The following FBXO15 variants were observed in gnomAD, a reference collection of about 807,000 sequenced individuals.
FBXO15 encodes the protein F-box only protein 15.
A neutral mutation model predicts 49.5 loss-of-function variants in FBXO15; 30 were observed. That is an observed-to-expected ratio of 0.61 (90% CI 0.45 to 0.82). The LOEUF is 0.82. Ranked by LOEUF, FBXO15 falls within the 40% of genes least tolerant of loss-of-function variation. The pLI is 0.00. For missense variants in FBXO15, 591 were observed against 631.5 expected (o/e 0.94, Z 0.69); for synonymous variants, 250 against 232.7 (o/e 1.07, Z -0.68).
chr18:74,079,234 G>A (rs1408926100), intron 9 of FBXO15, among the ~76,000 whole-genome samples: 5 of 152,182 alleles, frequency 3.3e-5, no homozygotes, highest in South Asian at 2.1e-4. Context: ...TCTGATAGGC[G>A]CTGGGAGGAG....
intron 8 of FBXO15, among the ~76,000 whole-genome samples, chr18:74,082,911 AG>A (rs1251505961): frequency 6.6e-6 from 1 of 152,270 alleles, no homozygotes; most frequent in Admixed American, 6.5e-5. Flanking sequence ...AATGTTCTCC[AG>A]CCCTGGCCTG....
At chr18:74,117,670 G>C (rs76885190) in intron 8 of FBXO15, among the ~76,000 whole-genome samples, 1 of 152,100 alleles carries the variant, frequency 6.6e-6, no homozygotes, top group African/African-American at 2.4e-5. Context: ...ATGGGGAGGT[G>C]AAAGTACCCA....
intron 1 of FBXO15, among the ~76,000 whole-genome samples, chr18:74,144,201 A>G (rs548435376): frequency 2.0e-5 from 3 of 152,280 alleles, no homozygotes; most frequent in South Asian, 4.1e-4. Context: ...TTATTTTTCT[A>G]TTTCTCTAAG....
chr18:74,084,576 T>C (rs779272171), intron 8 of FBXO15, among the ~76,000 whole-genome samples: 8 of 152,230 alleles, frequency 5.3e-5, no homozygotes, highest in Admixed American at 2.6e-4. Context: ...TGAGCAAGTA[T>C]AGCCTTCATT....
chr18:74,147,457 C>G (rs969431156), intron 1 of FBXO15: 3 of 1,197,408 alleles, frequency 2.5e-6, no homozygotes, highest in African/African-American at 1.6e-5. Context: ...AATATTTCCC[C>G]GAGAGGCTAC....
intron 8 of FBXO15, among the ~76,000 whole-genome samples, chr18:74,087,727 C>T (rs1254445068): frequency 6.6e-6 from 1 of 152,158 alleles, no homozygotes; most frequent in African/African-American, 2.4e-5. Context: ...TGGGAACATA[C>T]CCAATAATGG....
At chr18:74,090,813 T>C (rs1912991704) in intron 8 of FBXO15, among the ~76,000 whole-genome samples, 1 of 152,184 alleles carries the variant, frequency 6.6e-6, no homozygotes, top group South Asian at 2.1e-4. Context: ...TGATGATTGT[T>C]TTATGTCTGG....
chr18:74,115,711 T>C (rs1914202586), intron 8 of FBXO15, among the ~76,000 whole-genome samples: 1 of 152,240 alleles, frequency 6.6e-6, no homozygotes, highest in Non-Finnish European at 1.5e-5. Context: ...GATGAAGATA[T>C]ACACTGATAT....
intron 1 of FBXO15, among the ~76,000 whole-genome samples, chr18:74,145,459 T>C (rs1009176239): frequency 6.6e-6 from 1 of 152,208 alleles, no homozygotes; most frequent in East Asian, 1.9e-4. Context: ...AGACAGTCTC[T>C]GAGACGCCCA....
intron 5 of FBXO15, among the ~76,000 whole-genome samples, chr18:74,128,608 A>G (rs1261920092): frequency 6.6e-6 from 1 of 152,246 alleles, no homozygotes; most frequent in East Asian, 1.9e-4. Context: ...TATTTGCAAT[A>G]TATCTTATAT....
chr18:74,106,109 A>C (rs1913749592), intron 8 of FBXO15, among the ~76,000 whole-genome samples: 1 of 152,182 alleles, frequency 6.6e-6, no homozygotes, highest in South Asian at 2.1e-4. Context: ...TTCTTAACAG[A>C]CAAGAATAAT....
chr18:74,147,597 A>T, intron 1 of FBXO15, 73 bp downstream of exon 1: 6 of 1,334,270 alleles, frequency 4.5e-6, no homozygotes, highest in Admixed American at 3.7e-5. Flanking sequence ...AATAAAATAC[A>T]CGGTGAAGAG....
chr18:74,145,281 T>A (rs1194376976), intron 1 of FBXO15, among the ~76,000 whole-genome samples: 2 of 152,378 alleles, frequency 1.3e-5, no homozygotes, highest in Admixed American at 1.3e-4. Flanking sequence ...ATATGAAGGC[T>A]ATTTTATTAC....
intron 3 of FBXO15, among the ~76,000 whole-genome samples, chr18:74,132,298 A>AT (rs1978441809): frequency 6.6e-6 from 1 of 152,220 alleles, no homozygotes; most frequent in South Asian, 2.1e-4. Flanking sequence ...TTTATTCAGC[A>AT]TCTCACCCTA....
intron 9 of FBXO15, among the ~76,000 whole-genome samples, chr18:74,078,258 T>C (rs147826759): frequency 6.8e-4 from 104 of 152,196 alleles, no homozygotes; most frequent in African/African-American, 2.2e-3. Context: ...TAGCACACGA[T>C]AGGCACATCA....
chr18:74,139,124 C>T (rs958521143), intron 2 of FBXO15, among the ~76,000 whole-genome samples: 2 of 152,174 alleles, frequency 1.3e-5, no homozygotes, highest in Non-Finnish European at 2.9e-5. Context: ...GTTCAGTTCT[C>T]ATCTTAAATG....
intron 8 of FBXO15, among the ~76,000 whole-genome samples, chr18:74,109,579 C>A (rs575473195): frequency 5.9e-5 from 9 of 152,246 alleles, no homozygotes; most frequent in African/African-American, 2.2e-4. Context: ...GGAACCAACC[C>A]AAATGTTCAT....
chr18:74,084,351 T>C (rs921695910), intron 8 of FBXO15, among the ~76,000 whole-genome samples: 2 of 152,094 alleles, frequency 1.3e-5, no homozygotes, highest in African/African-American at 2.4e-5. Context: ...TGTGTTCCTG[T>C]AAACCTGGAG....
intron 9 of FBXO15, among the ~76,000 whole-genome samples, chr18:74,081,524 A>G (rs1478961593): frequency 2.6e-5 from 4 of 152,240 alleles, no homozygotes; most frequent in Non-Finnish European, 2.9e-5. Flanking sequence ...TATAACTGCA[A>G]TAAGTTTTAA....
Sources: allele counts gnomAD v4.1 joint callset (sites outside exome capture counted in the v4.1 genomes callset), GRCh38; gene constraint gnomAD v4.1.1; transcripts MANE v1.5; gene names NCBI Gene and HGNC (gene_info 2026-07-23, HGNC 2026-07-21).